Variants in ACAP1 observed in about 807,000 individuals in gnomAD.
The protein encoded by ACAP1 is ArfGAP with coiled-coil, ankyrin repeat and PH domains 1.
ACAP1 carries 45 observed loss-of-function variants against 98.8 expected under a neutral mutation model. The observed-to-expected ratio is 0.46, with a 90% CI of 0.36 to 0.58. ACAP1 has a LOEUF of 0.58. ACAP1 is among the 20% of genes least tolerant of loss of function. The pLI is 0.00. For missense variants in ACAP1, 735 were observed against 971.4 expected (o/e 0.76, Z 3.24); for synonymous variants, 362 against 375.3 (o/e 0.96, Z 0.41).
intron 2 of ACAP1, among the ~76,000 whole-genome samples, chr17:7,339,825 C>T (rs1232107878): frequency 6.6e-6 from 1 of 152,166 alleles, no homozygotes; most frequent in South Asian, 2.1e-4. Context: ...GTACCCGACA[C>T]CCTTCCCACA....
rs1335346052 is a variant in ACAP1 at position 7,343,209 on chromosome 17, G to A, written c.345-170G>A. The A allele has an allele frequency of 8.1e-6, 5 of 618,846 alleles. No individual in the cohort carries two copies. The highest frequency in any genetic ancestry group is 5.6e-5 in the African/African-American group (3 of 54,010). 38.3% of individuals were successfully genotyped at this position (618,846 alleles called of 1,614,324 possible). A position where few individuals can be genotyped will look rare whatever the true frequency, so the allele number is the denominator to read the frequency against. ...TGGCCACAGGAGCCTCCCCAGTGAC[G>A]GAGTTGTGAGATTGGGGGTTTCTGG... On this transcript the variant is annotated intron_variant, in intron 5 of 21. Transcript: ENST00000158762. The surrounding 1 kb of genome is among the most constrained non-coding windows in gnomAD (Gnocchi z 4.9).
At chr17:7,342,092 A>C in intron 3 of ACAP1, 25 bp downstream of exon 3, 2 of 1,612,504 alleles carry the variant, frequency 1.2e-6, no homozygotes, top group Non-Finnish European at 1.7e-6. Context: ...TGCATCTGGG[A>C]GGGAAGGGGT....
intron 18 of ACAP1, 87 bp from the exon 19 acceptor site, chr17:7,349,858 T>TC: frequency 9.2e-7 from 1 of 1,090,034 alleles, no homozygotes; most frequent in Non-Finnish European, 1.4e-6. Context: ...ACCCTCCCAT[T>TC]CTCTGAACTG....
At position 7,343,762 on chromosome 17, in the gene ACAP1, C is replaced by T. The variant is rs555777123; in HGVS notation, c.573+12C>T. 3.7e-6 allele frequency: 6 copies of T among 1,613,590 alleles called. No homozygotes were observed. Among genetic ancestry groups the T allele is most frequent in the South Asian group, 2.2e-5 (2 of 91,050 alleles). ...ACATCATGGAGTTTGTGAGTTGTGG[C>T]GGGGGTGAGGGCAGGGTGGAGAAGA... On this transcript the variant is annotated intron_variant, in intron 7 of 21. Coordinates refer to ENST00000158762, the MANE Select transcript of ACAP1 (RefSeq NM_014716.4). This position sits in a 1 kb window ranked among gnomAD's most constrained non-coding sequence, Gnocchi z 4.9.
In ACAP1 at chr17:7,344,917, G is replaced by A. The variant is rs1026170879; in HGVS notation, c.854+269G>A. Among the ~76,000 whole-genome samples, 2 of 152,172 alleles carry A rather than the reference G, an allele frequency of 1.3e-5. No individual in the cohort carries two copies. Among genetic ancestry groups the A allele is most frequent in the Non-Finnish European group, 1.5e-5 (1 of 68,040 alleles). On this transcript the variant is annotated intron_variant, in intron 10 of 21. Transcript: ENST00000158762. The surrounding 1 kb of genome is among the most constrained non-coding windows in gnomAD (Gnocchi z 4.9). ...AGTTCTAAATAGTTGGGCAGTGTGG[G>A]CTTCATGAGAAGGTAACTTTTGAAC...
chr17:7,339,486 T>C (rs898060691), intron 2 of ACAP1, among the ~76,000 whole-genome samples: 4 of 151,978 alleles, frequency 2.6e-5, no homozygotes, highest in African/African-American at 9.7e-5. Context: ...GGCACGCACC[T>C]GTAATCCCAG....
In ACAP1 at chr17:7,350,573, C is replaced by T; in HGVS notation, c.2072+336C>T. On this transcript the variant is annotated intron_variant, in intron 20 of 21. Coordinates refer to ENST00000158762, the MANE Select transcript of ACAP1 (RefSeq NM_014716.4). The surrounding 1 kb of genome is among the most constrained non-coding windows in gnomAD (Gnocchi z 4.6). ...GGCAGATGAACGGAACGCAACCCAG[C>T]TCAAAGGATGGGAAGTTGTGGGGGA... 1 of 442,650 alleles carries T rather than the reference C, an allele frequency of 2.3e-6. No individual in the cohort carries two copies. 27.4% of individuals were successfully genotyped at this position (442,650 alleles called of 1,614,324 possible). A position where few individuals can be genotyped will look rare whatever the true frequency, so the allele number is the denominator to read the frequency against.
At position 7,348,153 on chromosome 17, in the gene ACAP1, C is replaced by A; in HGVS notation, c.1440C>A (p.Ile480=). The change falls in exon 16 of 22, where the codon ATC becomes ATA. Residue 480 remains isoleucine (I), a synonymous_variant. Coordinates refer to ENST00000158762, the MANE Select transcript of ACAP1 (RefSeq NM_014716.4). The part of the protein sequence containing the change: ...VKLMCELGNV[I]INQIYEARVE... ...TCATGTGTGAGCTGGGAAATGTCAT[C>A]ATCAACCAGATCTATGAGGCCCGCG... is the stretch of plus-strand genomic sequence containing the variant. 6.2e-7 allele frequency: 1 copy of A among 1,614,110 alleles called. No individual in the cohort carries two copies. Among genetic ancestry groups the A allele is most frequent in the Non-Finnish European group, 8.5e-7 (1 of 1,179,982 alleles).
rs376357480 is a variant in ACAP1, at chr17:7,348,988, C to T, written c.1679-7C>T. 32 of 1,611,848 alleles carry T rather than the reference C, an allele frequency of 2.0e-5. No individual in the cohort carries two copies. Among genetic ancestry groups the T allele is most frequent in the African/African-American group, 9.4e-5 (7 of 74,796 alleles). ...TTCCCCCTAACAGAACCAAATCCCC[C>T]GAACAGAGCCCCCCTCTGAGGACCT... On this transcript the variant is annotated splice_polypyrimidine_tract_variant and splice_region_variant and intron_variant, in intron 17 of 21. Coordinates refer to ENST00000158762, the MANE Select transcript of ACAP1 (RefSeq NM_014716.4).
rs1345048786 is a variant in ACAP1, at chr17:7,347,260, A to G, written c.1343+18A>G. On this transcript the variant is annotated intron_variant, in intron 14 of 21. Coordinates refer to ENST00000158762, the MANE Select transcript of ACAP1 (RefSeq NM_014716.4). ...ATCCACAGGTTACTCCACAAGGCCC[A>G]TGCGGGAGCCCCACTCCTTCGGGCC... 1 of 1,597,412 alleles carries G rather than the reference A, an allele frequency of 6.3e-7. No homozygotes were observed. Among genetic ancestry groups the G allele is most frequent in the Admixed American group, 1.7e-5 (1 of 58,966 alleles).
At chr17:7,339,163 G>A (rs985725356) in intron 2 of ACAP1, among the ~76,000 whole-genome samples, 2 of 151,926 alleles carry the variant, frequency 1.3e-5, no homozygotes, top group African/African-American at 4.8e-5. Context: ...GGCGGCAGGC[G>A]CCTGTAGTCC....
intron 21 of ACAP1, 56 bp downstream of exon 21, chr17:7,351,055 G>A (rs2073404526): frequency 1.9e-6 from 3 of 1,544,894 alleles, no homozygotes; most frequent in Non-Finnish European, 2.7e-6. Flanking sequence ...CTGGGCTTCT[G>A]GTCCACGGTG....
intron 12 of ACAP1, 99 bp from the exon 13 acceptor site, chr17:7,346,709 G>T: frequency 7.1e-7 from 1 of 1,406,352 alleles, no homozygotes; most frequent in South Asian, 1.3e-5. Context: ...AATGCAACTG[G>T]AACTGGTTGA....
chr17:7,348,177 C>T lies in ACAP1; in HGVS notation c.1464C>T (p.Arg488=), dbSNP rs148344170. Residue 488 remains arginine (R), a synonymous_variant, in exon 16 of 22, where the codon CGC becomes CGT. Transcript: ENST00000158762. The part of the protein sequence containing the change: ...NVIINQIYEA[R]VEAMAVKKPG... ...TCATCAACCAGATCTATGAGGCCCG[C>T]GTGGAGGCCATGGCAGTGAAGAAAC... The T allele has an allele frequency of 2.2e-4, 351 of 1,614,050 alleles. No homozygotes were observed. The African/African-American group carries it at 3.9e-3, about 18-fold the overall frequency.
Position 7,343,966 on chromosome 17 carries a change from C to T in ACAP1, c.669+10C>T, listed in dbSNP as rs765112819. 2.5e-6 allele frequency: 4 copies of T among 1,579,430 alleles called. No homozygotes were observed. The Admixed American group carries it at 7.5e-5, about 30-fold the overall frequency. ...GGAGCTGGGCGCCCAGGTGGGGCCC[C>T]AGGGCACAGCAGGTGGTAGAGGGAG... On this transcript the variant is annotated intron_variant, in intron 8 of 21. Transcript: ENST00000158762. The surrounding 1 kb of genome is among the most constrained non-coding windows in gnomAD (Gnocchi z 4.9).
Position 7,342,463 on chromosome 17 carries a change from C to T in ACAP1, c.333C>T (p.Thr111=). 1 of 1,614,144 alleles carries T rather than the reference C, an allele frequency of 6.2e-7. No individual in the cohort carries two copies. Among genetic ancestry groups the T allele is most frequent in the Non-Finnish European group, 8.5e-7 (1 of 1,180,014 alleles). ...TQHTLQQQIQ[T]LVKEGLRGFR... ...ACACACTGCAGCAGCAGATCCAGAC[C>T]CTGGTCAAGGAGTGAGATGGGGCCG... Residue 111 remains threonine (T), a synonymous_variant, in exon 5 of 22, where the codon ACC becomes ACT. Coordinates refer to ENST00000158762, the MANE Select transcript of ACAP1 (RefSeq NM_014716.4).
intron 5 of ACAP1, 178 bp downstream of exon 5, chr17:7,342,652 C>T (rs1212512864): frequency 1.4e-6 from 1 of 731,578 alleles, no homozygotes; most frequent in African/African-American, 1.8e-5. Flanking sequence ...ATGATCCCGG[C>T]ATTTTGGGAG....
rs1394957969 is a variant in ACAP1 at position 7,346,460 on chromosome 17, C to T, written c.976C>T (p.Arg326Trp). ...GAAACTCTGCCCTGACTCAGAAAGG[C>T]GGTTCTGCTTTGAGGTGGTGTCCAC... is the stretch of plus-strand genomic sequence containing the variant. ...TVKLCPDSER[R>W]FCFEVVSTSK... Residue 326 changes from arginine to tryptophan, a missense_variant, in exon 12 of 22, where the codon CGG becomes TGG. This residue lies in a region of ACAP1 where 430 missense variants were observed against 531.8 expected (regional missense o/e 0.81). Coordinates refer to ENST00000158762, the MANE Select transcript of ACAP1 (RefSeq NM_014716.4). 6 of 1,612,554 alleles carry T rather than the reference C, an allele frequency of 3.7e-6. No homozygotes were observed. Among genetic ancestry groups the T allele is most frequent in the East Asian group, 2.2e-5 (1 of 44,890 alleles).
chr17:7,350,626 TGA>T lies in ACAP1; in HGVS notation c.2073-321_2073-320del. On this transcript the variant is annotated intron_variant, in intron 20 of 21. Transcript: ENST00000158762. The surrounding 1 kb of genome is among the most constrained non-coding windows in gnomAD (Gnocchi z 4.6). ...TGAGGATAGTCTTTTTTTTTTTTTTTGAGACGGAGTCTCACTCTGTCGCCCAG... is the reference window on the plus strand; with the variant it reads ...TGAGGATAGTCTTTTTTTTTTTTTTTGACGGAGTCTCACTCTGTCGCCCAG... 3.0e-6 allele frequency: 1 copy of T among 334,420 alleles called. No individual in the cohort carries two copies. Among genetic ancestry groups the T allele is most frequent in the South Asian group, 3.3e-5 (1 of 30,158 alleles). 20.7% of individuals were successfully genotyped at this position (334,420 alleles called of 1,614,324 possible).
Sources: gnomAD v4.1 joint callset for allele counts (sites outside exome capture counted in the v4.1 genomes callset) on GRCh38, gnomAD v4.1.1 for gene constraint, gnomAD v4.1.1 regional missense constraint, Gnocchi (gnomAD v3.1) non-coding constraint, MANE v1.5 for transcripts, NCBI Gene and HGNC (gene_info 2026-07-23, HGNC 2026-07-21) for gene names.